The following SMYD3 variants were observed in gnomAD, a reference collection of about 807,000 sequenced individuals.
SMYD3 encodes histone-lysine N-methyltransferase SMYD3.
Under a neutral mutation model 57.7 loss-of-function variants are expected in SMYD3, and 36 were observed. The ratio of observed to expected loss-of-function variants is 0.62; its 90% CI spans 0.48 to 0.82. The LOEUF (loss-of-function observed/expected upper bound fraction) is 0.82. SMYD3 is among the 40% of genes least tolerant of loss of function. The probability of loss-of-function intolerance (pLI) is 0.00; values close to 1 mark genes in which losing one functional copy is unlikely to be tolerated. For missense variants in SMYD3, 515 were observed against 538.8 expected, an observed-to-expected ratio of 0.96 and a Z score of 0.44; for synonymous variants, 211 against 195.0, an observed-to-expected ratio of 1.08 and a Z score of -0.68.
chr1:246,429,728 C>G (rs1193040032), intron 1 of SMYD3, among the ~76,000 whole-genome samples: 1 of 152,230 alleles, frequency 6.6e-6, no homozygotes, highest in East Asian at 1.9e-4. Flanking sequence ...ATGCCAGGCA[C>G]AGTGTCTGGG....
At chr1:246,260,537 G>A (rs533187818) in intron 5 of SMYD3, among the ~76,000 whole-genome samples, 1 of 152,052 alleles carries the variant, frequency 6.6e-6, no homozygotes, top group East Asian at 1.9e-4. Context: ...TGCAACCTCT[G>A]CCTCCCAAGT....
At chr1:246,401,366 C>T (rs146599764) in intron 1 of SMYD3, among the ~76,000 whole-genome samples, 1,830 of 152,064 alleles carry the variant, frequency 0.012, 39 homozygotes, top group African/African-American at 0.041. Context: ...CACAGTCTTG[C>T]TCTGTGGCCC....
intron 10 of SMYD3, among the ~76,000 whole-genome samples, chr1:245,772,492 GA>G (rs201869684): frequency 6.7e-6 from 1 of 148,684 alleles, no homozygotes; most frequent in African/African-American, 2.5e-5. Context: ...TCTACAAAAG[GA>G]AAAAAAAACA....
intron 7 of SMYD3, 26 bp downstream of exon 7, chr1:245,927,905 A>G (rs748770973): frequency 6.3e-7 from 1 of 1,584,442 alleles, no homozygotes; most frequent in Non-Finnish European, 8.6e-7. Context: ...AAAGAAGGCC[A>G]GGCTGGGAAG....
chr1:246,209,624 G>A (rs949224435), intron 5 of SMYD3, among the ~76,000 whole-genome samples: 1 of 151,752 alleles, frequency 6.6e-6, no homozygotes, highest in Non-Finnish European at 1.5e-5. Context: ...ATGTTTCCTT[G>A]TTCTTTTGCT....
At chr1:246,177,152 G>A (rs1436127952) in intron 5 of SMYD3, among the ~76,000 whole-genome samples, 1 of 152,114 alleles carries the variant, frequency 6.6e-6, no homozygotes, top group African/African-American at 2.4e-5. Flanking sequence ...TAAGAAATCA[G>A]GTGATTTAAA....
chr1:246,235,391 T>G (rs1258746903), intron 5 of SMYD3, among the ~76,000 whole-genome samples: 1 of 152,194 alleles, frequency 6.6e-6, no homozygotes, highest in Non-Finnish European at 1.5e-5. Flanking sequence ...TGCAAAAGTG[T>G]TATTCATTGT....
chr1:246,499,612 C>T (rs993949862), intron 1 of SMYD3, among the ~76,000 whole-genome samples: 1 of 151,836 alleles, frequency 6.6e-6, no homozygotes. Flanking sequence ...TGCACCACCA[C>T]ATCTGGCTAA....
intron 5 of SMYD3, among the ~76,000 whole-genome samples, chr1:246,116,259 T>C (rs1231914719): frequency 6.8e-6 from 1 of 147,840 alleles, no homozygotes; most frequent in Non-Finnish European, 1.5e-5. Flanking sequence ...TTCTGCTAAA[T>C]ACTGTACCAT....
intron 5 of SMYD3, among the ~76,000 whole-genome samples, chr1:246,084,623 A>G (rs1031289614): frequency 1.3e-5 from 2 of 152,206 alleles, no homozygotes; most frequent in Non-Finnish European, 2.9e-5. Context: ...CTCATTCATC[A>G]GGCAAATAAA....
chr1:246,395,059 A>AAG (rs1203399388), intron 1 of SMYD3, among the ~76,000 whole-genome samples: 1 of 152,182 alleles, frequency 6.6e-6, no homozygotes, highest in Non-Finnish European at 1.5e-5. Context: ...TTTATGATAT[A>AAG]AGAGAGGCTC....
In SMYD3 at chr1:246,293,807, ATTCTT is replaced by A. The variant is rs149011611; in HGVS notation, c.531+33389_531+33393del. The stretch of plus-strand genomic sequence containing the variant: ...ACTCCACACTCCTAATTAGTGCCCT[ATTCTT>A]TTCTTCTATTCACAGTCAGGTTTCT... On this transcript the variant is annotated intron_variant, in intron 5 of 11. Transcript: ENST00000490107. 2.8e-4 allele frequency among the ~76,000 whole-genome samples: 43 copies of A among 152,224 alleles called. No individual in the cohort carries two copies. The East Asian group carries it at 8.3e-3, about 29-fold the overall frequency.
rs763113904 is a variant in SMYD3 at position 245,749,557 on chromosome 1, G to A, written c.*6C>T. 8.3e-5 allele frequency: 134 copies of A among 1,610,520 alleles called. No homozygotes were observed. Among genetic ancestry groups the A allele is most frequent in the Non-Finnish European group, 1.0e-4 (119 of 1,176,884 alleles). ...ACACGCCGTATTTCCCTCTGACTGC[G>A]TTCCCTTAGGATGCTCTGATGTTGG... On this transcript the variant is annotated 3_prime_UTR_variant, in exon 12 of 12. Coordinates refer to ENST00000490107, the MANE Select transcript of SMYD3 (RefSeq NM_001167740.2).
At chr1:246,198,797 C>T (rs77076910) in intron 5 of SMYD3, among the ~76,000 whole-genome samples, 1 of 152,280 alleles carries the variant, frequency 6.6e-6, no homozygotes, top group East Asian at 1.9e-4. Flanking sequence ...TTTATAGTGG[C>T]ACCTACTTTT....
At chr1:246,186,938 T>G in intron 5 of SMYD3, 1 of 985,212 alleles carries the variant, frequency 1.0e-6, no homozygotes, top group Non-Finnish European at 1.2e-6. Context: ...AACTTTTCGC[T>G]GTGACTGAAG....
chr1:246,224,008 C>T (rs1159066330), intron 5 of SMYD3, among the ~76,000 whole-genome samples: 2 of 152,054 alleles, frequency 1.3e-5, no homozygotes. Context: ...GATTTAGATT[C>T]TTCTATTTAC....
chr1:245,980,871 C>T (rs1178191865), intron 5 of SMYD3, among the ~76,000 whole-genome samples: 1 of 152,212 alleles, frequency 6.6e-6, no homozygotes, highest in Non-Finnish European at 1.5e-5. Flanking sequence ...GTACCTCGGC[C>T]ACTGTTTTTG....
At chr1:246,291,246 T>C (rs2064684351) in intron 5 of SMYD3, among the ~76,000 whole-genome samples, 1 of 152,236 alleles carries the variant, frequency 6.6e-6, no homozygotes, top group Non-Finnish European at 1.5e-5. Flanking sequence ...AATATTCGCA[T>C]ACAAATTTGC....
At chr1:245,929,099 CA>C (rs1263313843) in intron 6 of SMYD3, among the ~76,000 whole-genome samples, 1 of 152,202 alleles carries the variant, frequency 6.6e-6, no homozygotes, top group African/African-American at 2.4e-5. Flanking sequence ...ATGACTTGCT[CA>C]AGGACATACA....
Sources: allele counts gnomAD v4.1 joint callset (sites outside exome capture counted in the v4.1 genomes callset), GRCh38; gene constraint gnomAD v4.1.1; transcripts MANE v1.5; gene names NCBI Gene and HGNC (gene_info 2026-07-23, HGNC 2026-07-21).